The following SERGEF variants were observed in gnomAD, a reference collection of about 807,000 sequenced individuals.
SERGEF encodes the protein secretion regulating guanine nucleotide exchange factor.
In SERGEF, 51 loss-of-function variants were observed where a neutral mutation model predicts 50.0. The ratio of observed to expected loss-of-function variants is 1.02; its 90% CI spans 0.81 to 1.29. The LOEUF (loss-of-function observed/expected upper bound fraction) is 1.29, where lower values mean the gene tolerates loss of function less well. SERGEF is among the 50% of genes most tolerant of loss of function. The pLI is 0.00. For missense variants in SERGEF, 521 were observed against 557.0 expected (o/e 0.94, Z 0.65); for synonymous variants, 205 against 212.4 (o/e 0.97, Z 0.30).
intron 9 of SERGEF, among the ~76,000 whole-genome samples, chr11:17,931,341 A>C (rs918261782): frequency 2.0e-4 from 31 of 152,200 alleles, no homozygotes; most frequent in Admixed American, 1.8e-3. Flanking sequence ...CCTACTTCAC[A>C]AACATGTAAT....
At chr11:18,012,866 C>A in intron 1 of SERGEF, 85 bp downstream of exon 1, 1 of 1,526,894 alleles carries the variant, frequency 6.5e-7, no homozygotes, top group Non-Finnish European at 8.8e-7. Context: ...CCGCCCAGCC[C>A]CTGAACTGCC....
At chr11:17,835,429 G>C (rs2133857671) in intron 10 of SERGEF, among the ~76,000 whole-genome samples, 1 of 152,254 alleles carries the variant, frequency 6.6e-6, no homozygotes, top group East Asian at 1.9e-4. Flanking sequence ...TACATATATG[G>C]TGTACTTGGA....
intron 10 of SERGEF, among the ~76,000 whole-genome samples, chr11:17,835,354 C>T (rs572111148): frequency 1.1e-4 from 17 of 152,284 alleles, no homozygotes; most frequent in African/African-American, 3.4e-4. Context: ...CAGAGCACAT[C>T]CTCATAGCCA....
In SERGEF at chr11:17,992,977, T is replaced by A. The variant is rs1236895514; in HGVS notation, c.639A>T (p.Lys213Asn). Reference protein sequence around the residue: ...PSRVTGLENSKAMCVLAGSDH... With the variant: ...PSRVTGLENSNAMCVLAGSDH... ...CTGAGCCAGCAAGAACACACATTGC[T>A]TTAGAATTCTCTAGACCTACAAAAG... is the stretch of plus-strand genomic sequence containing the variant. The change falls in exon 7 of 11, where the codon AAA becomes AAT. Residue 213 changes from lysine (K) to asparagine (N), a missense_variant. Transcript: ENST00000265965. 6.2e-7 allele frequency: 1 copy of A among 1,614,052 alleles called. No individual in the cohort carries two copies. Among genetic ancestry groups the A allele is most frequent in the East Asian group, 2.2e-5 (1 of 44,878 alleles).
chr11:17,808,555 C>G (rs1363394244), intron 10 of SERGEF, among the ~76,000 whole-genome samples: 1 of 152,118 alleles, frequency 6.6e-6, no homozygotes, highest in Non-Finnish European at 1.5e-5. Context: ...GCCAACAGGC[C>G]CCACCTCCAA....
Position 17,988,659 on chromosome 11 carries a change from C to T in SERGEF, c.782G>A (p.Cys261Tyr), listed in dbSNP as rs771833137. ...LPVPQKIEAH[C>Y]FQNEKVTAIW... ...GGCAGTGACCTTTTCATTCTGGAAA[C>T]AATGTGCTTCTATTTTCTGGGGCAC... The change falls in exon 8 of 11, where the codon TGT (cysteine) becomes TAT (tyrosine). Residue 261 changes from cysteine (C) to tyrosine (Y), a missense_variant. Cys to Tyr is a radical substitution (Grantham distance 194). Coordinates refer to ENST00000265965, the MANE Select transcript of SERGEF (RefSeq NM_012139.4). 8.1e-6 allele frequency: 13 copies of T among 1,614,130 alleles called. No homozygotes were observed. The highest frequency in any genetic ancestry group is 2.2e-5 in the South Asian group (2 of 91,080).
intron 6 of SERGEF, among the ~76,000 whole-genome samples, chr11:17,994,293 T>C (rs1227282537): frequency 6.6e-6 from 1 of 151,662 alleles, no homozygotes; most frequent in East Asian, 1.9e-4. Flanking sequence ...GTTAACACGG[T>C]GAAAACCCTG....
At chr11:17,960,458 A>T (rs1293732734) in intron 8 of SERGEF, among the ~76,000 whole-genome samples, 3 of 152,264 alleles carry the variant, frequency 2.0e-5, no homozygotes, top group African/African-American at 7.2e-5. Context: ...GCAAAATCTG[A>T]TGAGCCATAG....
chr11:17,987,344 TG>T (rs1853622384), intron 8 of SERGEF, among the ~76,000 whole-genome samples: 1 of 152,232 alleles, frequency 6.6e-6, no homozygotes, highest in African/African-American at 2.4e-5. Flanking sequence ...AAGACTAATC[TG>T]GTGGCTTCCT....
chr11:18,003,530 C>T (rs1854008946), intron 4 of SERGEF, among the ~76,000 whole-genome samples: 1 of 152,118 alleles, frequency 6.6e-6, no homozygotes, highest in South Asian at 2.1e-4. Context: ...GTATAAAATA[C>T]CTTGTTAATA....
At chr11:17,970,970 G>A (rs1261357728) in intron 8 of SERGEF, among the ~76,000 whole-genome samples, 12 of 152,104 alleles carry the variant, frequency 7.9e-5, no homozygotes, top group South Asian at 4.2e-4. Context: ...TGAGGTGGGC[G>A]GATCACGAGG....
chr11:17,885,073 TC>T (rs992251065), intron 9 of SERGEF, among the ~76,000 whole-genome samples: 6 of 152,164 alleles, frequency 3.9e-5, no homozygotes, highest in African/African-American at 1.4e-4. Context: ...GATACTCTCC[TC>T]TTTTGATACA....
chr11:17,984,554 T>TG (rs1481984512), intron 8 of SERGEF, among the ~76,000 whole-genome samples: 10 of 152,202 alleles, frequency 6.6e-5, no homozygotes, highest in African/African-American at 1.9e-4. Flanking sequence ...CATTTCAACA[T>TG]GAGATTTGGG....
intron 10 of SERGEF, among the ~76,000 whole-genome samples, chr11:17,793,632 C>T (rs908284800): frequency 2.0e-5 from 3 of 152,206 alleles, no homozygotes; most frequent in South Asian, 2.1e-4. Flanking sequence ...AGTTAGAGGA[C>T]GATCCCTGGC....
intron 9 of SERGEF, among the ~76,000 whole-genome samples, chr11:17,947,037 T>C (rs1590212468): frequency 6.6e-6 from 1 of 152,188 alleles, no homozygotes; most frequent in Non-Finnish European, 1.5e-5. Context: ...TAGCAACATA[T>C]ACTTTCCTCT....
At chr11:17,825,057 G>T (rs1173591020) in intron 10 of SERGEF, among the ~76,000 whole-genome samples, 2 of 152,184 alleles carry the variant, frequency 1.3e-5, no homozygotes, top group Non-Finnish European at 2.9e-5. Flanking sequence ...CCAAAGGAAG[G>T]TACCAGAGAT....
chr11:17,910,845 G>A (rs143044979), intron 9 of SERGEF, among the ~76,000 whole-genome samples: 5 of 152,134 alleles, frequency 3.3e-5, no homozygotes, highest in South Asian at 2.1e-4. Context: ...TAACAAATAC[G>A]CTAATACAAA....
rs535207607 is a variant in SERGEF, at chr11:18,002,295, A to G, written c.448-1738T>C. 5.3e-5 allele frequency among the ~76,000 whole-genome samples: 8 copies of G among 152,242 alleles called. No individual in the cohort carries two copies. In the South Asian group the frequency reaches 8.3e-4, roughly 16 times the overall value. On this transcript the variant is annotated intron_variant, in intron 4 of 10. Transcript: ENST00000265965. ...TTGTTTCATTTGGATTGTTAGCAAG[A>G]GTTTCCTCAGTAACCTTCCTTCAAT... is the stretch of plus-strand genomic sequence containing the variant.
At chr11:17,975,809 C>T (rs1853359480) in intron 8 of SERGEF, among the ~76,000 whole-genome samples, 1 of 152,146 alleles carries the variant, frequency 6.6e-6, no homozygotes, top group Non-Finnish European at 1.5e-5. Context: ...CTCATTGTAC[C>T]CAAAAGTTCC....
Sources: allele counts gnomAD v4.1 joint callset (sites outside exome capture counted in the v4.1 genomes callset), GRCh38; gene constraint gnomAD v4.1.1; transcripts MANE v1.5; gene names NCBI Gene and HGNC (gene_info 2026-07-23, HGNC 2026-07-21).